The following SLX4IP variants were observed in gnomAD, a reference collection of about 807,000 sequenced individuals.
SLX4IP encodes protein SLX4IP.
In SLX4IP, 34 loss-of-function variants were observed where a neutral mutation model predicts 32.9. That is an observed-to-expected ratio of 1.03 (90% CI 0.79 to 1.38). The LOEUF is 1.38. SLX4IP is among the 40% of genes most tolerant of loss of function. SLX4IP has a pLI of 0.00. For missense variants in SLX4IP, 444 were observed against 479.0 expected (o/e 0.93, Z 0.68); for synonymous variants, 172 against 171.7 (o/e 1.00, Z -0.01).
At chr20:10,526,010 A>G (rs556858342) in intron 2 of SLX4IP, among the ~76,000 whole-genome samples, 2 of 152,130 alleles carry the variant, frequency 1.3e-5, no homozygotes, top group Non-Finnish European at 1.5e-5. Flanking sequence ...CCACTTCTCC[A>G]TGGAGTCCTC....
chr20:10,505,339 G>C (rs1001279238), intron 2 of SLX4IP, among the ~76,000 whole-genome samples: 1 of 152,196 alleles, frequency 6.6e-6, no homozygotes, highest in Non-Finnish European at 1.5e-5. Flanking sequence ...CTTATATCTT[G>C]TCTGGACAGG....
At chr20:10,452,959 GGTT>G (rs1418513941) in intron 1 of SLX4IP, among the ~76,000 whole-genome samples, 1 of 151,910 alleles carries the variant, frequency 6.6e-6, no homozygotes, top group East Asian at 1.9e-4. Flanking sequence ...TAGCTATTGT[GGTT>G]GTTATTGTTT....
At chr20:10,524,057 G>T (rs2065921933) in intron 2 of SLX4IP, among the ~76,000 whole-genome samples, 1 of 152,230 alleles carries the variant, frequency 6.6e-6, no homozygotes, top group African/African-American at 2.4e-5. Flanking sequence ...GGACCAGCGG[G>T]CTCATGACCC....
intron 2 of SLX4IP, among the ~76,000 whole-genome samples, chr20:10,474,043 A>G (rs2065452096): frequency 1.3e-5 from 2 of 151,992 alleles, no homozygotes; most frequent in Admixed American, 6.6e-5. Flanking sequence ...GACTGGTCTC[A>G]AACTCCTGAC....
At chr20:10,521,378 A>G (rs2065899795) in intron 2 of SLX4IP, among the ~76,000 whole-genome samples, 1 of 151,844 alleles carries the variant, frequency 6.6e-6, no homozygotes, top group Non-Finnish European at 1.5e-5. Context: ...GAGGCTTCAT[A>G]TTGCTCTTCT....
At chr20:10,455,157 C>T (rs963040122) in intron 1 of SLX4IP, among the ~76,000 whole-genome samples, 1 of 152,096 alleles carries the variant, frequency 6.6e-6, no homozygotes, top group African/African-American at 2.4e-5. Flanking sequence ...GTATGATTTG[C>T]AGATTTTTTT....
chr20:10,583,803 G>T lies in SLX4IP; in HGVS notation c.239-14872G>T, dbSNP rs563418336. ...TCAGTATTTTAGATTTGTTCATTAGGTATTTATATTACTAGTAAATACTGT... is the reference window on the plus strand; with the variant it reads ...TCAGTATTTTAGATTTGTTCATTAGTTATTTATATTACTAGTAAATACTGT... On this transcript the variant is annotated intron_variant, in intron 4 of 7. Transcript: ENST00000334534. 2.0e-5 allele frequency among the ~76,000 whole-genome samples: 3 copies of T among 152,068 alleles called. No homozygotes were observed. In the South Asian group the frequency reaches 6.2e-4, roughly 32 times the overall value.
In SLX4IP at chr20:10,452,680, A is replaced by AATATAT. The variant is rs1280513421; in HGVS notation, c.-29-5485_-29-5480dup. 2.0e-3 allele frequency among the ~76,000 whole-genome samples: 218 copies of AATATAT among 109,472 alleles called. 1 individual carries two copies. The highest frequency in any genetic ancestry group is 9.3e-3 in the Middle Eastern group (2 of 216). 71.8% of individuals were successfully genotyped at this position (109,472 alleles called of 152,430 possible). A position where few individuals can be genotyped will look rare whatever the true frequency, so the allele number is the denominator to read the frequency against. On this transcript the variant is annotated intron_variant, in intron 1 of 7. Coordinates refer to ENST00000334534, the MANE Select transcript of SLX4IP (RefSeq NM_001009608.3). ...AAACTGTCTCAAAAAAAAAAAAAAA[A>AATATAT]ATATATATATATATATGTAAATTAG...
chr20:10,504,071 G>A (rs6039993), intron 2 of SLX4IP, among the ~76,000 whole-genome samples: 4,118 of 152,236 alleles, frequency 0.027, 101 homozygotes, highest in Admixed American at 0.095. Flanking sequence ...AATGCTCTTC[G>A]TGAGAAAGAA....
intron 4 of SLX4IP, among the ~76,000 whole-genome samples, chr20:10,594,877 C>G (rs950697295): frequency 6.6e-6 from 1 of 152,152 alleles, no homozygotes; most frequent in Non-Finnish European, 1.5e-5. Flanking sequence ...TTCTTTCTCT[C>G]ATATGCATTA....
chr20:10,534,848 G>A (rs2066024547), intron 2 of SLX4IP, among the ~76,000 whole-genome samples: 1 of 152,162 alleles, frequency 6.6e-6, no homozygotes, highest in African/African-American at 2.4e-5. Context: ...GACCACATAG[G>A]TTGTTATGAA....
chr20:10,522,402 G>A (rs573549109), intron 2 of SLX4IP, among the ~76,000 whole-genome samples: 15 of 152,178 alleles, frequency 9.9e-5, no homozygotes, highest in African/African-American at 2.9e-4. Flanking sequence ...ACAATGATAC[G>A]CGGAAAAAGT....
intron 4 of SLX4IP, among the ~76,000 whole-genome samples, chr20:10,586,686 G>T (rs892286102): frequency 1.3e-5 from 2 of 152,044 alleles, no homozygotes; most frequent in Non-Finnish European, 2.9e-5. Context: ...ATGAAAAAAA[G>T]ACGTAATTAG....
intron 6 of SLX4IP, chr20:10,613,341 A>C: frequency 5.0e-6 from 5 of 1,007,226 alleles, no homozygotes; most frequent in Non-Finnish European, 7.7e-6. Context: ...ACCTTTTCTC[A>C]AGAGTTGAAT....
At chr20:10,438,038 T>C (rs6133933) in intron 1 of SLX4IP, among the ~76,000 whole-genome samples, 1 of 152,352 alleles carries the variant, frequency 6.6e-6, no homozygotes, top group East Asian at 1.9e-4. Context: ...GTCACAGCCA[T>C]GTAAATATTA....
intron 2 of SLX4IP, among the ~76,000 whole-genome samples, chr20:10,536,505 C>G (rs1264304094): frequency 1.3e-5 from 2 of 152,180 alleles, no homozygotes; most frequent in East Asian, 1.9e-4. Flanking sequence ...AGGCAGAGAG[C>G]CTTGTTTCTT....
chr20:10,558,610 T>C (rs2066295739), intron 3 of SLX4IP, among the ~76,000 whole-genome samples: 2 of 152,190 alleles, frequency 1.3e-5, no homozygotes, highest in African/African-American at 4.8e-5. Context: ...ACTAATTACA[T>C]GTATTAACAT....
intron 1 of SLX4IP, among the ~76,000 whole-genome samples, chr20:10,440,185 TG>T (rs2065149834): frequency 1.3e-5 from 2 of 151,936 alleles, no homozygotes; most frequent in Admixed American, 6.6e-5. Flanking sequence ...CCCAGTACGG[TG>T]GCTCACGCCT....
intron 2 of SLX4IP, among the ~76,000 whole-genome samples, chr20:10,518,022 CA>C (rs2065864138): frequency 1.3e-5 from 2 of 151,824 alleles, no homozygotes; most frequent in African/African-American, 4.8e-5. Flanking sequence ...TGGGGAGGGG[CA>C]GGGGGAGGGA....
Sources: gnomAD v4.1 joint callset for allele counts (sites outside exome capture counted in the v4.1 genomes callset) on GRCh38, gnomAD v4.1.1 for gene constraint, MANE v1.5 for transcripts, NCBI Gene and HGNC (gene_info 2026-07-23, HGNC 2026-07-21) for gene names.